MYO9B: variants seen among roughly 807,000 people sequenced by gnomAD.
MYO9B encodes unconventional myosin-IXb.
In MYO9B, 71 loss-of-function variants were observed where a neutral mutation model predicts 229.5. The ratio of observed to expected loss-of-function variants is 0.31; its 90% CI spans 0.26 to 0.38. The LOEUF (loss-of-function observed/expected upper bound fraction) is 0.38. MYO9B is among the 10% of genes least tolerant of loss of function. The probability of loss-of-function intolerance (pLI) is 1.00; values close to 1 mark genes in which losing one functional copy is unlikely to be tolerated. For synonymous variants in MYO9B, 1,185 were observed against 1,235.8 expected (o/e 0.96, Z 0.86); for missense variants, 2,255 against 2,920.5 (o/e 0.77, Z 5.25).
At chr19:17,121,389 C>G (rs971274817) in intron 2 of MYO9B, among the ~76,000 whole-genome samples, 2 of 151,780 alleles carry the variant, frequency 1.3e-5, no homozygotes, top group African/African-American at 4.8e-5. Context: ...TTCAGACTTT[C>G]TTTCCCCACT....
chr19:17,175,536 G>A (rs978059415), intron 13 of MYO9B, 127 bp from the exon 14 acceptor site: 11 of 652,730 alleles, frequency 1.7e-5, no homozygotes, highest in East Asian at 6.7e-5. Flanking sequence ...CCGAGATCGC[G>A]CCACTGTGCT....
At chr19:17,166,887 C>T (rs2072665778) in intron 10 of MYO9B, among the ~76,000 whole-genome samples, 1 of 152,194 alleles carries the variant, frequency 6.6e-6, no homozygotes, top group South Asian at 2.1e-4. Context: ...ACCACATTTG[C>T]TTTATCCATT....
intron 1 of MYO9B, among the ~76,000 whole-genome samples, chr19:17,081,722 T>C (rs1237832561): frequency 6.6e-6 from 1 of 151,192 alleles, no homozygotes; most frequent in African/African-American, 2.4e-5. Context: ...GGCAGAAGAA[T>C]TGCTTGAACC....
intron 34 of MYO9B, 97 bp from the exon 35 acceptor site, chr19:17,207,016 C>T (rs2073169704): frequency 1.3e-6 from 2 of 1,502,066 alleles, no homozygotes; most frequent in South Asian, 2.4e-5. Flanking sequence ...ACTGCTTTCC[C>T]AACAGCCACC....
At chr19:17,186,626 G>T (rs942139969) in intron 18 of MYO9B, among the ~76,000 whole-genome samples, 3 of 152,126 alleles carry the variant, frequency 2.0e-5, no homozygotes, top group Non-Finnish European at 1.5e-5. Context: ...GATTCTCTGT[G>T]ATAAAACCCA....
chr19:17,101,423 T>C lies in MYO9B; in HGVS notation c.-58-237T>C, dbSNP rs933939649. Among the ~76,000 whole-genome samples the C allele has an allele frequency of 9.9e-5, 15 of 152,014 alleles. No individual in the cohort carries two copies. The highest frequency in any genetic ancestry group is 9.8e-4 in the Admixed American group (15 of 15,250). On this transcript the variant is annotated intron_variant, in intron 1 of 39. Transcript: ENST00000682292. This position sits in a 1 kb window ranked among gnomAD's most constrained non-coding sequence, Gnocchi z 4.7. Reference sequence around the variant, plus strand: ...CTCAAGCGATCCTCCCACCTTGGCCTCCTAAAGTGTTGGGATTATAAGCAT... The same window carrying C: ...CTCAAGCGATCCTCCCACCTTGGCCCCCTAAAGTGTTGGGATTATAAGCAT...
intron 1 of MYO9B, among the ~76,000 whole-genome samples, chr19:17,081,533 G>A (rs918155493): frequency 1.3e-5 from 2 of 152,118 alleles, no homozygotes; most frequent in Non-Finnish European, 2.9e-5. Flanking sequence ...GAGAGGCCTG[G>A]TGCAGTGGCT....
chr19:17,146,161 AGATGGATGGATGGATG>A (rs56016892), intron 3 of MYO9B, among the ~76,000 whole-genome samples: 17 of 100,846 alleles, frequency 1.7e-4, no homozygotes, highest in East Asian at 3.6e-4. Flanking sequence ...GTGGGTGGAT[AGATGGATGGATGGATG>A]GATGGATGGA....
At chr19:17,144,767 G>A (rs1466391006) in intron 2 of MYO9B, among the ~76,000 whole-genome samples, 2 of 151,112 alleles carry the variant, frequency 1.3e-5, no homozygotes, top group East Asian at 3.9e-4. Context: ...TCAGGAGTTC[G>A]AGACCAGACT....
At chr19:17,089,976 C>T (rs1226091082) in intron 1 of MYO9B, among the ~76,000 whole-genome samples, 1 of 152,152 alleles carries the variant, frequency 6.6e-6, no homozygotes, top group Non-Finnish European at 1.5e-5. Flanking sequence ...CTTTCTGTGT[C>T]TGTGGATTTG....
intron 7 of MYO9B, 132 bp from the exon 8 acceptor site, chr19:17,159,263 T>C: frequency 1.3e-6 from 1 of 785,392 alleles, no homozygotes. Flanking sequence ...CAGGTCCCAC[T>C]TCTAGGCCTG....
intron 17 of MYO9B, 78 bp from the exon 18 acceptor site, chr19:17,185,843 G>A: frequency 8.6e-7 from 1 of 1,160,374 alleles, no homozygotes. Context: ...ATGCTAGAGT[G>A]TCCCAGGTCT....
At position 17,172,466 on chromosome 19, in the gene MYO9B, T is replaced by C. The variant is rs766477173; in HGVS notation, c.1924T>C (p.Tyr642His). 3 of 1,613,402 alleles carry C rather than the reference T, an allele frequency of 1.9e-6. No homozygotes were observed. Among genetic ancestry groups the C allele is most frequent in the Non-Finnish European group, 1.7e-6 (2 of 1,179,728 alleles). ...IIQHFAGKVKYQIKDFREKNM... is the reference protein window; with the variant it reads ...IIQHFAGKVKHQIKDFREKNM... ...CCAGCACTTCGCAGGGAAGGTGAAA[T>C]ATCAGATCAAGGTAGGTGTCTGCCC... Residue 642 changes from tyrosine (Y) to histidine (H), a missense_variant, in exon 12 of 40, where the codon TAT becomes CAT. Physicochemically the swap from Tyr to His is moderately conservative, Grantham distance 83. Around this residue, in one of 7 missense-constraint regions of MYO9B, gnomAD observed 220 missense variants for 404.5 expected, o/e 0.54. Coordinates refer to ENST00000682292, the MANE Select transcript of MYO9B (RefSeq NM_004145.4). The surrounding 1 kb of genome is among the most constrained non-coding windows in gnomAD (Gnocchi z 8.2).
At chr19:17,202,721 A>G in intron 28 of MYO9B, 121 bp from the exon 29 acceptor site, 1 of 995,908 alleles carries the variant, frequency 1.0e-6, no homozygotes, top group South Asian at 1.6e-5. Context: ...AGGGACAATG[A>G]TGCCACTCCA....
intron 1 of MYO9B, among the ~76,000 whole-genome samples, chr19:17,097,327 A>G (rs2057702662): frequency 6.9e-6 from 1 of 145,118 alleles, no homozygotes; most frequent in South Asian, 2.2e-4. Flanking sequence ...TTTCAAAAAA[A>G]TTAAAAAAAA....
chr19:17,153,246 T>C (rs957114649), intron 4 of MYO9B, among the ~76,000 whole-genome samples: 22 of 151,730 alleles, frequency 1.4e-4, no homozygotes, highest in Non-Finnish European at 2.9e-4. Flanking sequence ...TGCAGTGGTG[T>C]GATCCCAGCT....
chr19:17,162,576 A>C (rs1308499507), intron 9 of MYO9B, 110 bp downstream of exon 9: 5 of 925,572 alleles, frequency 5.4e-6, no homozygotes, highest in East Asian at 2.6e-5. Flanking sequence ...ATCTGCAATC[A>C]AGAGGCTGTT....
chr19:17,093,935 CA>C (rs1169712246), intron 1 of MYO9B, among the ~76,000 whole-genome samples: 1 of 151,772 alleles, frequency 6.6e-6, no homozygotes, highest in Non-Finnish European at 1.5e-5. Context: ...AGGCTGGTGT[CA>C]AATTCCTTGG....
chr19:17,076,103 G>C (rs190942243), intron 1 of MYO9B, among the ~76,000 whole-genome samples: 122 of 151,844 alleles, frequency 8.0e-4, no homozygotes, highest in Non-Finnish European at 1.1e-3. Flanking sequence ...GAGGGCGTGG[G>C]GGGGGTGAGT....
Sources: gnomAD v4.1 joint callset for allele counts (sites outside exome capture counted in the v4.1 genomes callset) on GRCh38, gnomAD v4.1.1 for gene constraint, gnomAD v4.1.1 regional missense constraint, Gnocchi (gnomAD v3.1) non-coding constraint, MANE v1.5 for transcripts, NCBI Gene and HGNC (gene_info 2026-07-23, HGNC 2026-07-21) for gene names.